Variants in SIK2 observed in about 807,000 individuals in gnomAD.
SIK2 encodes serine/threonine-protein kinase SIK2.
A neutral mutation model predicts 103.2 loss-of-function variants in SIK2; 29 were observed. The observed-to-expected ratio is 0.28, with a 90% CI of 0.21 to 0.38. SIK2 has a LOEUF of 0.38. SIK2 is among the 10% of genes least tolerant of loss of function. SIK2 has a pLI of 1.00. For missense variants in SIK2, 879 were observed against 1,171.0 expected (o/e 0.75, Z 3.64); for synonymous variants, 412 against 446.1 (o/e 0.92, Z 0.96).
intron 3 of SIK2, among the ~76,000 whole-genome samples, chr11:111,643,163 TA>T (rs1942207335): frequency 1.3e-5 from 2 of 152,220 alleles, no homozygotes; most frequent in Admixed American, 1.3e-4. Flanking sequence ...ATCTATTTCT[TA>T]TTCATTTACT....
chr11:111,669,604 A>AT lies in SIK2; in HGVS notation c.317-18397_317-18396insT, dbSNP rs1942597751. On this transcript the variant is annotated intron_variant, in intron 3 of 14. Coordinates refer to ENST00000304987, the MANE Select transcript of SIK2 (RefSeq NM_015191.3). ...CATCTCTTTTAAAAAAGAAAAAAAA[A>AT]GAAAGAAAGAAAGAAAAGTTTTCCC... Among the ~76,000 whole-genome samples, 5 of 149,480 alleles carry AT rather than the reference A, an allele frequency of 3.3e-5. No individual in the cohort carries two copies. The South Asian group carries it at 1.0e-3, about 31-fold the overall frequency.
At chr11:111,721,207 T>C (rs992313358) in intron 12 of SIK2, 145 bp downstream of exon 12, 8 of 1,010,890 alleles carry the variant, frequency 7.9e-6, no homozygotes, top group Non-Finnish European at 1.1e-5. Flanking sequence ...CTTTGCCTTG[T>C]TGCTGCCACC....
At chr11:111,642,276 C>A (rs74881057) in intron 3 of SIK2, among the ~76,000 whole-genome samples, 6 of 152,282 alleles carry the variant, frequency 3.9e-5, no homozygotes, top group African/African-American at 1.4e-4. Context: ...CAAGACTGCC[C>A]TCACATCAGA....
At position 111,724,931 on chromosome 11, in the gene SIK2, C is replaced by T. The variant is rs993789155; in HGVS notation, c.*802C>T. ...CAAGAACGCATCAAGAGCACCAGCC[C>T]TGGGCCAGGGAAGACAGGCTCTTCC... On this transcript the variant is annotated 3_prime_UTR_variant, in exon 15 of 15. Transcript: ENST00000304987. The T allele has an allele frequency of 2.6e-5, 4 of 152,348 alleles. No homozygotes were observed. Among genetic ancestry groups the T allele is most frequent in the Admixed American group, 2.6e-4 (4 of 15,286 alleles). 9.4% of individuals were successfully genotyped at this position (152,348 alleles called of 1,614,324 possible).
intron 3 of SIK2, among the ~76,000 whole-genome samples, chr11:111,633,600 G>A (rs1401100619): frequency 6.6e-6 from 1 of 152,138 alleles, no homozygotes; most frequent in East Asian, 1.9e-4. Flanking sequence ...TGAATCAAGG[G>A]AGAAAATTGG....
chr11:111,616,832 T>TA (rs975166536), intron 2 of SIK2, among the ~76,000 whole-genome samples: 87 of 146,412 alleles, frequency 5.9e-4, no homozygotes, highest in South Asian at 3.2e-3. Context: ...CACTGTCTCT[T>TA]AAAAAAAAAA....
Position 111,620,281 on chromosome 11 carries a change from T to C in SIK2, c.253-58T>C, listed in dbSNP as rs1212618776. ...TTTCAATTTAGGTAACTCGATAGAA[T>C]ATTGTGGAAAATTCCAGTACATTTC... On this transcript the variant is annotated intron_variant, in intron 2 of 14. Transcript: ENST00000304987. 2.8e-6 allele frequency: 3 copies of C among 1,090,646 alleles called. No individual in the cohort carries two copies. In the African/African-American group the frequency reaches 4.8e-5, roughly 18 times the overall value. 67.6% of individuals were successfully genotyped at this position (1,090,646 alleles called of 1,614,324 possible). A position where few individuals can be genotyped will look rare whatever the true frequency, so the allele number is the denominator to read the frequency against.
intron 1 of SIK2, among the ~76,000 whole-genome samples, chr11:111,613,577 A>AG (rs1395735175): frequency 6.6e-6 from 1 of 152,146 alleles, no homozygotes. Context: ...CTCTTCATTG[A>AG]GGGGGGTTTC....
intron 1 of SIK2, among the ~76,000 whole-genome samples, chr11:111,615,713 A>G (rs1160763333): frequency 6.6e-6 from 1 of 152,224 alleles, no homozygotes; most frequent in African/African-American, 2.4e-5. Context: ...TTTGCACTTC[A>G]ATTTTTAAAA....
At position 111,727,087 on chromosome 11, in the gene SIK2, A is replaced by G. The variant is rs1663774096; in HGVS notation, c.*2958A>G. 10 of 1,592,860 alleles carry G rather than the reference A, an allele frequency of 6.3e-6. No individual in the cohort carries two copies. In the African/African-American group the frequency reaches 9.4e-5, roughly 15 times the overall value. ...AAGGCAAACAGCATGTTAGCCCGAC[A>G]GGAAGAGGGGGCCCACTTTCACATT... is the stretch of plus-strand genomic sequence containing the variant. On this transcript the variant is annotated 3_prime_UTR_variant, in exon 15 of 15. Coordinates refer to ENST00000304987, the MANE Select transcript of SIK2 (RefSeq NM_015191.3).
intron 2 of SIK2, among the ~76,000 whole-genome samples, chr11:111,617,870 A>C (rs933033995): frequency 1.3e-5 from 2 of 151,866 alleles, no homozygotes; most frequent in African/African-American, 4.8e-5. Flanking sequence ...ATACACACAC[A>C]CACACACACA....
At chr11:111,609,488 A>G (rs1941691840) in intron 1 of SIK2, among the ~76,000 whole-genome samples, 1 of 152,106 alleles carries the variant, frequency 6.6e-6, no homozygotes, top group Non-Finnish European at 1.5e-5. Context: ...TGCCTGGCTA[A>G]TTTTTAAATT....
chr11:111,624,147 G>A (rs1312237376), intron 3 of SIK2, among the ~76,000 whole-genome samples: 1 of 152,152 alleles, frequency 6.6e-6, no homozygotes, highest in African/African-American at 2.4e-5. Context: ...TTTCAAATGT[G>A]TTATTAATTT....
chr11:111,699,057 G>A (rs1943149019), intron 4 of SIK2, among the ~76,000 whole-genome samples: 1 of 152,192 alleles, frequency 6.6e-6, no homozygotes. Flanking sequence ...TATGAGATAT[G>A]ATGTTCTAGG....
intron 8 of SIK2, among the ~76,000 whole-genome samples, chr11:111,711,760 C>G (rs1943502870): frequency 6.6e-6 from 1 of 152,254 alleles, no homozygotes; most frequent in Non-Finnish European, 1.5e-5. Context: ...AGACACAGCA[C>G]TGACTCCAGC....
chr11:111,688,386 T>C lies in SIK2; in HGVS notation c.478+224T>C, dbSNP rs1271670505. The stretch of plus-strand genomic sequence containing the variant: ...TCAGAGCTACATCTGGGGTCTGATG[T>C]GTCCAGATTCCATTGGCAGGGTTTC... On this transcript the variant is annotated intron_variant, in intron 4 of 14. Transcript: ENST00000304987. The surrounding 1 kb of genome is among the most constrained non-coding windows in gnomAD (Gnocchi z 4.2). Among the ~76,000 whole-genome samples, 1 of 152,232 alleles carries C rather than the reference T, an allele frequency of 6.6e-6. No homozygotes were observed. Among genetic ancestry groups the C allele is most frequent in the African/African-American group, 2.4e-5 (1 of 41,462 alleles).
intron 3 of SIK2, among the ~76,000 whole-genome samples, chr11:111,637,276 AAC>A (rs1942120392): frequency 6.6e-6 from 1 of 151,904 alleles, no homozygotes; most frequent in Non-Finnish European, 1.5e-5. Context: ...CTTTTAAAAT[AAC>A]ACTCTTTTTT....
At chr11:111,624,913 T>C (rs2135843918) in intron 3 of SIK2, among the ~76,000 whole-genome samples, 1 of 152,306 alleles carries the variant, frequency 6.6e-6, no homozygotes, top group South Asian at 2.1e-4. Context: ...CACAGTCATG[T>C]CGATATGGTA....
chr11:111,664,058 C>T (rs12366145), intron 3 of SIK2, among the ~76,000 whole-genome samples: 2,747 of 152,334 alleles, frequency 0.018, 31 homozygotes, highest in Non-Finnish European at 0.026. Context: ...GGCCAAATAG[C>T]ACATAATGCC....
Sources: allele counts gnomAD v4.1 joint callset (sites outside exome capture counted in the v4.1 genomes callset), GRCh38; gene constraint gnomAD v4.1.1; non-coding constraint Gnocchi (gnomAD v3.1); transcripts MANE v1.5; gene names NCBI Gene and HGNC (gene_info 2026-07-23, HGNC 2026-07-21).